MTMR8: variants seen among roughly 807,000 people sequenced by gnomAD.
The protein encoded by MTMR8 is phosphatidylinositol-3,5-bisphosphate 3-phosphatase MTMR8.
In MTMR8, 65 loss-of-function variants were observed where a neutral mutation model predicts 39.3. The observed-to-expected ratio is 1.65, with a 90% confidence interval of 1.35 to 2.03. The LOEUF is 2.03. Among genes scored for constraint, MTMR8 ranks in the 30% most tolerant of loss-of-function variants. MTMR8 has a pLI of 0.00. For synonymous variants in MTMR8, 245 were observed against 185.2 expected (o/e 1.32, Z -2.62); for missense variants, 777 against 538.9 (o/e 1.44, Z -4.37).
At chrX:64,324,727 T>C (rs1922740824) in intron 12 of MTMR8, among the ~76,000 whole-genome samples, 1 of 100,655 alleles carries the variant, frequency 9.9e-6, no homozygotes, top group African/African-American at 4.0e-5. Context: ...TCTTATAAAA[T>C]GGCCCTACCC....
chrX:64,302,015 TTTTG>T (rs945916061), intron 12 of MTMR8, among the ~76,000 whole-genome samples: 3 of 112,341 alleles, frequency 2.7e-5, no homozygotes, highest in Non-Finnish European at 3.8e-5. Flanking sequence ...ACTGCTGTCT[TTTTG>T]TTTGTCTGTG....
chrX:64,281,526 C>T (rs1000883399), intron 12 of MTMR8, among the ~76,000 whole-genome samples: 2 of 111,746 alleles, frequency 1.8e-5, no homozygotes, highest in African/African-American at 6.5e-5. Flanking sequence ...GGACCCCTTC[C>T]TTATACCTTA....
chrX:64,334,734 T>C (rs984499040), intron 10 of MTMR8, among the ~76,000 whole-genome samples: 2 of 111,139 alleles, frequency 1.8e-5, no homozygotes, highest in Admixed American at 1.9e-4. Context: ...AATGCCTTTA[T>C]GGTTTCAAAC....
At chrX:64,302,928 C>G (rs914215456) in intron 12 of MTMR8, among the ~76,000 whole-genome samples, 2 of 112,294 alleles carry the variant, frequency 1.8e-5, no homozygotes, top group Non-Finnish European at 3.8e-5. Context: ...TTCCTTAGCC[C>G]TCCTCCCCTT....
At position 64,270,946 on chromosome X, in the gene MTMR8, C is replaced by G; in HGVS notation, c.1608+1G>C. On this transcript the variant is annotated splice_donor_variant, in intron 13 of 13. Coordinates refer to ENST00000374852, the MANE Select transcript of MTMR8 (RefSeq NM_017677.4). LOFTEE classifies it high-confidence loss of function. ...TCTCTCTTTGGGACTTTTCTCCTCA[C>G]CTTTTCTAGTTCATGCACATCTGTC... 1 of 1,208,790 alleles carries G rather than the reference C, an allele frequency of 8.3e-7. No homozygotes were observed. Among genetic ancestry groups the G allele is most frequent in the Non-Finnish European group, 1.1e-6 (1 of 894,324 alleles).
chrX:64,314,517 C>G (rs1922406581), intron 12 of MTMR8, among the ~76,000 whole-genome samples: 1 of 112,903 alleles, frequency 8.9e-6, no homozygotes, highest in South Asian at 3.6e-4. Context: ...GGAGGGTCTG[C>G]TAGTCTCTGT....
At chrX:64,301,982 G>T (rs1277469547) in intron 12 of MTMR8, among the ~76,000 whole-genome samples, 2 of 112,068 alleles carry the variant, frequency 1.8e-5, no homozygotes, top group African/African-American at 6.5e-5. Flanking sequence ...TGTCAGACAG[G>T]GACATTTAAG....
Position 64,303,847 on chromosome X carries a change from C to A in MTMR8, c.1481+24925G>T, listed in dbSNP as rs985244944. Among the ~76,000 whole-genome samples the A allele has an allele frequency of 1.8e-5, 2 of 111,991 alleles. 1 individual carries two copies. The highest frequency in any genetic ancestry group is 7.4e-4 in the South Asian group (2 of 2,695). On this transcript the variant is annotated intron_variant, in intron 12 of 13. Transcript: ENST00000374852. ...TTTTTTCTTCTTCTTCTCTACAGGA[C>A]CCAACAAAATCTGAAAATGAACTAT...
At chrX:64,339,857 A>G (rs936636095) in intron 8 of MTMR8, among the ~76,000 whole-genome samples, 1 of 110,958 alleles carries the variant, frequency 9.0e-6, no homozygotes, top group Non-Finnish European at 1.9e-5. Context: ...CATGAAGGAC[A>G]TGTTTCAATA....
chrX:64,278,642 T>G (rs771860521), intron 12 of MTMR8, among the ~76,000 whole-genome samples: 20 of 107,973 alleles, frequency 1.9e-4, no homozygotes, highest in African/African-American at 6.8e-4. Flanking sequence ...CTCAACTAAT[T>G]TTTTGTATTT....
At chrX:64,391,737 C>T (rs780453413) in intron 1 of MTMR8, among the ~76,000 whole-genome samples, 3 of 111,900 alleles carry the variant, frequency 2.7e-5, no homozygotes, top group Non-Finnish European at 5.6e-5. Flanking sequence ...TTATAACAAC[C>T]CTGTGAGATA....
intron 3 of MTMR8, among the ~76,000 whole-genome samples, chrX:64,355,497 G>A (rs1322944498): frequency 1.8e-5 from 2 of 111,463 alleles, no homozygotes; most frequent in Non-Finnish European, 3.8e-5. Context: ...GAGATTAATG[G>A]AGCCTATCAG....
chrX:64,384,475 G>A (rs774026580), intron 1 of MTMR8, among the ~76,000 whole-genome samples: 12 of 111,476 alleles, frequency 1.1e-4, no homozygotes, highest in Non-Finnish European at 2.1e-4. Context: ...TCTCTGTGAG[G>A]GCTCTGCCCC....
intron 1 of MTMR8, among the ~76,000 whole-genome samples, chrX:64,393,679 T>A (rs908438218): frequency 1.8e-5 from 2 of 111,771 alleles, no homozygotes; most frequent in Non-Finnish European, 3.8e-5. Flanking sequence ...ACAAATGACA[T>A]GATCCGGAAA....
At chrX:64,380,406 A>C (rs1924380440) in intron 1 of MTMR8, among the ~76,000 whole-genome samples, 1 of 112,703 alleles carries the variant, frequency 8.9e-6, no homozygotes, top group African/African-American at 3.2e-5. Context: ...ATTTAACAAA[A>C]CATATTCGGG....
intron 1 of MTMR8, among the ~76,000 whole-genome samples, chrX:64,387,622 G>C (rs1924594747): frequency 9.2e-6 from 1 of 108,539 alleles, no homozygotes; most frequent in East Asian, 2.9e-4. Context: ...AGCACTACCG[G>C]TAGTGCTTTT....
chrX:64,300,388 A>C (rs1326046872), intron 12 of MTMR8, among the ~76,000 whole-genome samples: 1 of 111,421 alleles, frequency 9.0e-6, no homozygotes, highest in African/African-American at 3.3e-5. Context: ...ATCAGACACT[A>C]GCATTGCAAA....
intron 12 of MTMR8, among the ~76,000 whole-genome samples, chrX:64,322,656 C>T (rs1358730073): frequency 8.9e-6 from 1 of 112,338 alleles, no homozygotes; most frequent in South Asian, 3.7e-4. Context: ...CCACAGCTAG[C>T]ATGTATCCTG....
chrX:64,268,427 G>T lies in MTMR8; in HGVS notation c.*110C>A. On this transcript the variant is annotated 3_prime_UTR_variant, in exon 14 of 14. Transcript: ENST00000374852. The stretch of plus-strand genomic sequence containing the variant: ...TCCAGACTTAAGTGGGGAGAGGGGT[G>T]CCCTGGCTTCACCCACTTAAACCAA... 2.1e-6 allele frequency: 2 copies of T among 952,173 alleles called. No individual in the cohort carries two copies. Among genetic ancestry groups the T allele is most frequent in the Non-Finnish European group, 1.4e-6 (1 of 699,577 alleles). 78.5% of individuals were successfully genotyped at this position (952,173 alleles called of 1,213,427 possible). A position where few individuals can be genotyped will look rare whatever the true frequency, so the allele number is the denominator to read the frequency against.
Sources: gnomAD v4.1 joint callset for allele counts (sites outside exome capture counted in the v4.1 genomes callset) on GRCh38, gnomAD v4.1.1 for gene constraint, MANE v1.5 for transcripts, NCBI Gene and HGNC (gene_info 2026-07-23, HGNC 2026-07-21) for gene names.